MTA3: variants seen among roughly 807,000 people sequenced by gnomAD.
The protein encoded by MTA3 is metastasis associated 1 family member 3.
In MTA3, 34 loss-of-function variants were observed where a neutral mutation model predicts 83.5. That is an observed-to-expected ratio of 0.41 (90% CI 0.31 to 0.54). The LOEUF (loss-of-function observed/expected upper bound fraction) is 0.54, where lower values mean the gene tolerates loss of function less well. Among genes scored for constraint, MTA3 ranks in the 20% least tolerant of loss-of-function variants. The pLI is 0.33. For missense variants in MTA3, 761 were observed against 726.4 expected (o/e 1.05, Z -0.55); for synonymous variants, 303 against 252.7 (o/e 1.20, Z -1.89).
rs1573391257 is a variant in MTA3 at position 42,632,246 on chromosome 2, A to G, written c.318-7927A>G. Among the ~76,000 whole-genome samples, 3 of 151,824 alleles carry G rather than the reference A, an allele frequency of 2.0e-5. No homozygotes were observed. In the South Asian group the frequency reaches 6.2e-4, roughly 32 times the overall value. ...CTGGGTTCTACAGGCGGCCGCCACC[A>G]TGCCCGGCTAATTTTTTGTATTTTT... On this transcript the variant is annotated intron_variant, in intron 4 of 16. Coordinates refer to ENST00000405094, the MANE Select transcript of MTA3 (RefSeq NM_001330442.2).
At chr2:42,524,472 G>GTTTTTTTTT (rs58288129) in intron 2 of MTA3, among the ~76,000 whole-genome samples, 151 of 70,636 alleles carry the variant, frequency 2.1e-3, no homozygotes, top group Admixed American at 7.4e-3. Flanking sequence ...GGCTAGTTGT[G>GTTTTTTTTT]TTTTTTTTTT....
At chr2:42,719,142 C>G (rs901411330) in intron 15 of MTA3, 68 bp downstream of exon 15, 2 of 1,167,784 alleles carry the variant, frequency 1.7e-6, no homozygotes, top group African/African-American at 3.1e-5. Context: ...TTTGGCAATT[C>G]TAAATGGACA....
intron 6 of MTA3, among the ~76,000 whole-genome samples, chr2:42,653,804 C>G (rs746394571): frequency 3.3e-5 from 5 of 152,186 alleles, no homozygotes; most frequent in Admixed American, 6.5e-5. Context: ...CAATTGTAGT[C>G]TTACGTTCAG....
At chr2:42,516,604 C>T (rs985840351) in intron 2 of MTA3, among the ~76,000 whole-genome samples, 2 of 152,128 alleles carry the variant, frequency 1.3e-5, no homozygotes, top group African/African-American at 4.8e-5. Context: ...GGCTCACCGG[C>T]GGGAACTTAG....
rs562682558 is a variant in MTA3 at position 42,582,951 on chromosome 2, G to C, written c.190+3751G>C. 5.1e-4 allele frequency among the ~76,000 whole-genome samples: 78 copies of C among 152,144 alleles called. 1 individual carries two copies. Among genetic ancestry groups the C allele is most frequent in the African/African-American group, 1.6e-3 (67 of 41,512 alleles). On this transcript the variant is annotated intron_variant, in intron 3 of 16. Transcript: ENST00000405094. ...AAAGACCTGGGTTCAGATTCTGGTT[G>C]GCTGTTTTACTGCTTGACATAGGAA...
At chr2:42,618,882 A>G (rs770709456) in intron 4 of MTA3, among the ~76,000 whole-genome samples, 2 of 152,092 alleles carry the variant, frequency 1.3e-5, no homozygotes, top group Admixed American at 1.3e-4. Context: ...AAGTATTGGG[A>G]TTACAGGTGT....
At chr2:42,637,659 T>C (rs942344485) in intron 4 of MTA3, among the ~76,000 whole-genome samples, 12 of 152,302 alleles carry the variant, frequency 7.9e-5, no homozygotes, top group South Asian at 2.1e-4. Context: ...AAATGTTAGA[T>C]TTTCATTTTT....
chr2:42,640,104 T>G, intron 4 of MTA3, 69 bp from the exon 5 acceptor site: 2 of 1,155,016 alleles, frequency 1.7e-6, no homozygotes, highest in Non-Finnish European at 2.5e-6. Flanking sequence ...ATTCTTAACT[T>G]TGTATTTCTC....
At chr2:42,553,541 G>T (rs1292495140) in intron 2 of MTA3, among the ~76,000 whole-genome samples, 50 of 151,458 alleles carry the variant, frequency 3.3e-4, no homozygotes, top group Non-Finnish European at 1.5e-5. Context: ...TTCGAAACCA[G>T]CCTGGCCAAC....
At chr2:42,679,078 C>G (rs1691640135) in intron 8 of MTA3, among the ~76,000 whole-genome samples, 1 of 152,130 alleles carries the variant, frequency 6.6e-6, no homozygotes. Context: ...CTACAATGAG[C>G]AAATACCTTG....
At position 42,585,941 on chromosome 2, in the gene MTA3, T is replaced by A. The variant is rs866855908; in HGVS notation, c.190+6741T>A. On this transcript the variant is annotated intron_variant, in intron 3 of 16. Transcript: ENST00000405094. ...CAATAGAGTGACACCTGTGTCTCTT[T>A]AAAAAAAAATAAATTATAAACAAGA... Among the ~76,000 whole-genome samples the A allele has an allele frequency of 6.0e-5, 9 of 150,792 alleles. No individual in the cohort carries two copies. The South Asian group carries it at 1.7e-3, about 28-fold the overall frequency.
chr2:42,532,628 G>T, intron 2 of MTA3: 1 of 157,010 alleles, frequency 6.4e-6, no homozygotes, highest in Non-Finnish European at 1.4e-5. Flanking sequence ...GAATAGTAAA[G>T]ACATTACACA....
intron 8 of MTA3, among the ~76,000 whole-genome samples, chr2:42,669,503 A>T (rs1382900162): frequency 6.6e-6 from 1 of 152,206 alleles, no homozygotes; most frequent in Admixed American, 6.5e-5. Context: ...TGAAAAACTT[A>T]TCACGGGTAC....
At chr2:42,595,452 T>C (rs1681685106) in intron 3 of MTA3, among the ~76,000 whole-genome samples, 2 of 152,160 alleles carry the variant, frequency 1.3e-5, no homozygotes, top group Admixed American at 1.3e-4. Flanking sequence ...TCCTTTTCTG[T>C]GAACTGTTTA....
intron 16 of MTA3, among the ~76,000 whole-genome samples, chr2:42,737,996 A>G (rs771476573): frequency 2.0e-5 from 3 of 152,158 alleles, no homozygotes; most frequent in Non-Finnish European, 2.9e-5. Context: ...GAGTGATGGC[A>G]CATATCTGTA....
chr2:42,648,606 A>G (rs538303825), intron 6 of MTA3, among the ~76,000 whole-genome samples: 1 of 152,288 alleles, frequency 6.6e-6, no homozygotes, highest in African/African-American at 2.4e-5. Flanking sequence ...ATTTATGGCT[A>G]CCCATCACCT....
intron 6 of MTA3, among the ~76,000 whole-genome samples, chr2:42,651,171 A>T (rs1688683135): frequency 6.6e-6 from 1 of 152,216 alleles, no homozygotes; most frequent in South Asian, 2.1e-4. Flanking sequence ...GTAAAAAGAT[A>T]ATAAGTGGTG....
intron 2 of MTA3, among the ~76,000 whole-genome samples, chr2:42,551,876 G>A (rs1022809808): frequency 4.0e-5 from 6 of 151,846 alleles, no homozygotes; most frequent in Admixed American, 6.6e-5. Flanking sequence ...ACAGGCACCC[G>A]CCACCACGCC....
At chr2:42,606,202 C>G (rs1256817106) in intron 3 of MTA3, among the ~76,000 whole-genome samples, 2 of 112,800 alleles carry the variant, frequency 1.8e-5, no homozygotes, top group Non-Finnish European at 3.9e-5. Flanking sequence ...GGGGCTGACC[C>G]CCCCCCACCT....
Sources: allele counts gnomAD v4.1 joint callset (sites outside exome capture counted in the v4.1 genomes callset), GRCh38; gene constraint gnomAD v4.1.1; transcripts MANE v1.5; gene names NCBI Gene and HGNC (gene_info 2026-07-23, HGNC 2026-07-21).